TRRAP: variants seen among roughly 807,000 people sequenced by gnomAD.
The protein encoded by TRRAP is transformation/transcription domain associated protein.
In TRRAP, 41 loss-of-function variants were observed where a neutral mutation model predicts 438.8. The observed-to-expected ratio is 0.09, with a 90% CI of 0.07 to 0.12. The LOEUF is 0.12. TRRAP is among the 10% of genes least tolerant of loss of function. The pLI is 1.00. For synonymous variants in TRRAP, 1,994 were observed against 1,962.9 expected (o/e 1.02, Z -0.42); for missense variants, 3,122 against 5,055.1 (o/e 0.62, Z 11.60).
In TRRAP at chr7:98,956,874, T is replaced by G. The variant is rs1791643115; in HGVS notation, c.6231+341T>G. On this transcript the variant is annotated intron_variant, in intron 43 of 72. Transcript: ENST00000456197. The surrounding 1 kb of genome is among the most constrained non-coding windows in gnomAD (Gnocchi z 4.5). ...CAGTTTCTGAGAAGGACATGTGTTC[T>G]GTTTCACGAGGCAGCCACCAAGAGG... 6.6e-6 allele frequency among the ~76,000 whole-genome samples: 1 copy of G among 152,208 alleles called. No homozygotes were observed. Among genetic ancestry groups the G allele is most frequent in the Admixed American group, 6.5e-5 (1 of 15,278 alleles).
chr7:98,941,858 A>G (rs537560728), intron 30 of TRRAP, among the ~76,000 whole-genome samples: 36 of 152,316 alleles, frequency 2.4e-4, no homozygotes, highest in African/African-American at 7.2e-4. Flanking sequence ...AAAGTTTGAC[A>G]TGGACTGTAA....
At chr7:98,946,052 T>C in intron 33 of TRRAP, 102 bp downstream of exon 33, 1 of 1,216,460 alleles carries the variant, frequency 8.2e-7, no homozygotes, top group Non-Finnish European at 1.1e-6. Flanking sequence ...GAGTGCGTTG[T>C]GCCCTTGAGT....
rs569509151 is a variant in TRRAP at position 98,904,356 on chromosome 7, A to T, written c.1036+839A>T. Reference sequence around the variant, plus strand: ...AAATTAGCCAGGCGTGGTGGCGGGCACCTGTAGTCCCAGCTGCTTGGGAGG... The same window carrying T: ...AAATTAGCCAGGCGTGGTGGCGGGCTCCTGTAGTCCCAGCTGCTTGGGAGG... On this transcript the variant is annotated intron_variant, in intron 12 of 72. Transcript: ENST00000456197. Among the ~76,000 whole-genome samples, 51 of 151,758 alleles carry T rather than the reference A, an allele frequency of 3.4e-4. No individual in the cohort carries two copies. In the South Asian group the frequency reaches 4.2e-3, roughly 12 times the overall value.
Position 98,950,901 on chromosome 7 carries a change from C to T in TRRAP, c.5360C>T (p.Ala1787Val). 1.3e-6 allele frequency: 2 copies of T among 1,577,990 alleles called. No individual in the cohort carries two copies. The highest frequency in any genetic ancestry group is 1.7e-6 in the Non-Finnish European group (2 of 1,167,946). Residue 1787 changes from alanine (A) to valine (V), a missense_variant, in exon 39 of 73, where the codon GCT becomes GTT. By Grantham distance (64) the Ala-to-Val change is moderately conservative. Around this residue, in one of 24 missense-constraint regions of TRRAP, gnomAD observed 272 missense variants for 348.5 expected, o/e 0.78. Transcript: ENST00000456197. ...AKVLQHILNPAFLYSFEKGEG... is the reference protein window; with the variant it reads ...AKVLQHILNPVFLYSFEKGEG... The stretch of plus-strand genomic sequence containing the variant: ...GTTCTGCAGCATATCTTGAATCCTG[C>T]TTTCTTGTACAGCTTTGAGAAGGGG...
rs782205741 is a variant in TRRAP, at chr7:98,948,557, G to A, written c.4669-9G>A. ...GTTGTGAGATGCAGCATTCCCACAT[G>A]TTTTGCAGGCGGGGAGTCCATTCCG... is the stretch of plus-strand genomic sequence containing the variant. On this transcript the variant is annotated splice_polypyrimidine_tract_variant and intron_variant, in intron 34 of 72. Transcript: ENST00000456197. This position sits in a 1 kb window ranked among gnomAD's most constrained non-coding sequence, Gnocchi z 4.9. 3.1e-6 allele frequency: 5 copies of A among 1,614,086 alleles called. No homozygotes were observed. The African/African-American group carries it at 5.3e-5, about 17-fold the overall frequency.
intron 51 of TRRAP, among the ~76,000 whole-genome samples, 197 bp downstream of exon 51, chr7:98,967,895 C>G (rs1381733997): frequency 6.6e-6 from 1 of 152,178 alleles, no homozygotes; most frequent in African/African-American, 2.4e-5. Flanking sequence ...GATTTAAAAT[C>G]CTGTGTCAGA....
At position 99,008,365 on chromosome 7, in the gene TRRAP, C is replaced by T; in HGVS notation, c.10754-12C>T. The T allele has an allele frequency of 1.2e-6, 2 of 1,612,774 alleles. No individual in the cohort carries two copies. The highest frequency in any genetic ancestry group is 1.7e-6 in the Non-Finnish European group (2 of 1,179,138). On this transcript the variant is annotated splice_polypyrimidine_tract_variant and intron_variant, in intron 69 of 72. Transcript: ENST00000456197. ...CCCTCAGCCTGCCCCGTTTCTCTTC[C>T]TCTCTCCCCAGTGCCCCGGGTTGTG... is the stretch of plus-strand genomic sequence containing the variant.
intron 31 of TRRAP, among the ~76,000 whole-genome samples, chr7:98,944,556 A>ATGGTGTTTGGGGGCTTGTCTG (rs1220047496): frequency 2.0e-5 from 3 of 151,966 alleles, no homozygotes; most frequent in Non-Finnish European, 4.4e-5. Context: ...CTCAGAGGCT[A>ATGGTGTTTGGGGGCTTGTCTG]TGGTGTTTGG....
chr7:98,970,339 C>T (rs1290155283), intron 52 of TRRAP, 48 bp downstream of exon 52: 2 of 1,589,660 alleles, frequency 1.3e-6, no homozygotes, highest in Non-Finnish European at 1.7e-6. Flanking sequence ...GAGGTGAGGC[C>T]CCACACCCCA....
rs782214143 is a variant in TRRAP, at chr7:98,948,554, CAT to C, written c.4669-11_4669-10del. ...GAAGTTGTGAGATGCAGCATTCCCA[CAT>C]GTTTTGCAGGCGGGGAGTCCATTCC... On this transcript the variant is annotated splice_polypyrimidine_tract_variant and intron_variant, in intron 34 of 72. Transcript: ENST00000456197. The surrounding 1 kb of genome is among the most constrained non-coding windows in gnomAD (Gnocchi z 4.9). The C allele has an allele frequency of 2.5e-5, 40 of 1,614,212 alleles. No homozygotes were observed. In the East Asian group the frequency reaches 5.8e-4, roughly 23 times the overall value.
At chr7:98,993,441 G>A in intron 65 of TRRAP, 97 bp from the exon 66 acceptor site, 1 of 1,326,756 alleles carries the variant, frequency 7.5e-7, no homozygotes. Context: ...ACGCCGGCAG[G>A]AACCAGCGCT....
chr7:98,951,768 C>T (rs1257354221), intron 39 of TRRAP, among the ~76,000 whole-genome samples: 1 of 152,230 alleles, frequency 6.6e-6, no homozygotes. Context: ...GTCCTTTCAG[C>T]TGGGCCTCCT....
chr7:98,998,601 C>T (rs78943169), intron 67 of TRRAP: 4,461 of 164,880 alleles, frequency 0.027, 87 homozygotes, highest in South Asian at 0.055. Flanking sequence ...GGTTACAACA[C>T]GGTGAAGTAG....
rs116643538 is a variant in TRRAP, at chr7:98,951,647, G to A, written c.5463+643G>A. Among the ~76,000 whole-genome samples the A allele has an allele frequency of 9.0e-3, 1,369 of 152,326 alleles. 27 individuals are homozygous for A. The highest frequency in any genetic ancestry group is 0.032 in the African/African-American group (1,321 of 41,566). On this transcript the variant is annotated intron_variant, in intron 39 of 72. Transcript: ENST00000456197. ...GTTTGTTGGAATGCTGAGTGATGGC[G>A]TTCCTCATCAGAAATACAGATTGCT...
chr7:98,882,197 T>G (rs1795474084), intron 3 of TRRAP, among the ~76,000 whole-genome samples, 173 bp downstream of exon 3: 1 of 152,200 alleles, frequency 6.6e-6, no homozygotes, highest in Admixed American at 6.5e-5. Flanking sequence ...TTTTCCATCT[T>G]CACGCTGGTG....
At chr7:98,886,517 T>C (rs534608805) in intron 3 of TRRAP, among the ~76,000 whole-genome samples, 5 of 152,120 alleles carry the variant, frequency 3.3e-5, no homozygotes, top group Admixed American at 2.0e-4. Context: ...TCTAGAGAGA[T>C]ATAGATATCT....
In TRRAP at chr7:98,971,701, T is replaced by G; in HGVS notation, c.7693-98T>G. 5.4e-6 allele frequency: 8 copies of G among 1,476,590 alleles called. No homozygotes were observed. In the South Asian group the frequency reaches 8.2e-5, roughly 15 times the overall value. 91.5% of individuals were successfully genotyped at this position (1,476,590 alleles called of 1,614,324 possible). A position where few individuals can be genotyped will look rare whatever the true frequency, so the allele number is the denominator to read the frequency against. ...ACACTTCCAGGAAACGAACACGAAT[T>G]TTACCAAAATTGTAACAAGAAGCCT... On this transcript the variant is annotated intron_variant, in intron 52 of 72. Transcript: ENST00000456197.
intron 6 of TRRAP, 143 bp downstream of exon 6, chr7:98,894,024 G>C (rs1438912332): frequency 5.6e-6 from 4 of 712,056 alleles, no homozygotes; most frequent in Non-Finnish European, 9.5e-6. Flanking sequence ...AATTCTTTAT[G>C]AGTTTAACAG....
chr7:98,978,423 T>G, intron 57 of TRRAP, 100 bp downstream of exon 57: 1 of 1,106,298 alleles, frequency 9.0e-7, no homozygotes, highest in Admixed American at 2.4e-5. Flanking sequence ...TAAAGAAAGC[T>G]TTGCTACTTT....
Sources: allele counts gnomAD v4.1 joint callset (sites outside exome capture counted in the v4.1 genomes callset), GRCh38; gene constraint gnomAD v4.1.1; regional missense constraint gnomAD v4.1.1; non-coding constraint Gnocchi (gnomAD v3.1); transcripts MANE v1.5; gene names NCBI Gene and HGNC (gene_info 2026-07-23, HGNC 2026-07-21).